The following EPS15 variants were observed in gnomAD, a reference collection of about 807,000 sequenced individuals.
EPS15 encodes epidermal growth factor receptor substrate 15.
A neutral mutation model predicts 113.8 loss-of-function variants in EPS15; 72 were observed. The ratio of observed to expected loss-of-function variants is 0.63; its 90% CI spans 0.52 to 0.77. The LOEUF is 0.77. Ranked by LOEUF, EPS15 falls within the 30% of genes least tolerant of loss-of-function variation. EPS15 has a pLI of 0.00. For missense variants in EPS15, 1,048 were observed against 1,045.8 expected (o/e 1.00, Z -0.03); for synonymous variants, 344 against 363.4 (o/e 0.95, Z 0.61).
At chr1:51,504,853 G>A (rs1442493912) in intron 1 of EPS15, among the ~76,000 whole-genome samples, 4 of 152,190 alleles carry the variant, frequency 2.6e-5, no homozygotes, top group Admixed American at 2.6e-4. Flanking sequence ...GAGCGTGGTG[G>A]CTCACACCTA....
chr1:51,449,234 T>C (rs1275839), intron 8 of EPS15, among the ~76,000 whole-genome samples: 5,706 of 152,254 alleles, frequency 0.037, 160 homozygotes, highest in Non-Finnish European at 0.058. Flanking sequence ...GTGGTACATA[T>C]ACACCATGGA....
chr1:51,396,863 C>A (rs1233885017), intron 20 of EPS15, among the ~76,000 whole-genome samples: 1 of 151,794 alleles, frequency 6.6e-6, no homozygotes, highest in Non-Finnish European at 1.5e-5. Flanking sequence ...TACTAACTTA[C>A]TACCAACTTA....
chr1:51,381,323 T>G (rs1334586020), intron 21 of EPS15, among the ~76,000 whole-genome samples: 3 of 152,228 alleles, frequency 2.0e-5, no homozygotes. Flanking sequence ...CCAGGTGCGG[T>G]GGCTCATGCC....
intron 20 of EPS15, chr1:51,397,153 T>TA (rs1351412863): frequency 6.6e-6 from 1 of 152,258 alleles, no homozygotes; most frequent in African/African-American, 2.4e-5. Flanking sequence ...GTGCTGGAAT[T>TA]AGAGGTGGGA....
At chr1:51,509,551 GTC>G (rs1165558981) in intron 1 of EPS15, among the ~76,000 whole-genome samples, 2 of 152,136 alleles carry the variant, frequency 1.3e-5, no homozygotes, top group Non-Finnish European at 2.9e-5. Context: ...TTTATAGGGA[GTC>G]TCTGATACAT....
At chr1:51,400,821 C>T in intron 19 of EPS15, 97 bp downstream of exon 19, 1 of 620,166 alleles carries the variant, frequency 1.6e-6, no homozygotes, top group Non-Finnish European at 2.7e-6. Flanking sequence ...GCACATAGAG[C>T]ATCTTACTGG....
intron 1 of EPS15, among the ~76,000 whole-genome samples, chr1:51,482,575 T>C (rs924256164): frequency 6.6e-6 from 1 of 152,098 alleles, no homozygotes; most frequent in African/African-American, 2.4e-5. Context: ...CAAGTGATTC[T>C]CCTGCCTCAG....
rs1557758758 is a variant in EPS15 at position 51,355,378 on chromosome 1, C to T, written c.*1322G>A. 1 of 206,952 alleles carries T rather than the reference C, an allele frequency of 4.8e-6. No individual in the cohort carries two copies. The highest frequency in any genetic ancestry group is 9.8e-6 in the Non-Finnish European group (1 of 101,582). The allele number at this position is 206,952 out of a possible 1,614,324, so 12.8% of individuals were successfully genotyped here. On this transcript the variant is annotated 3_prime_UTR_variant, in exon 25 of 25. Transcript: ENST00000371733. ...TTTTTCTTTATCTTGGTATTTAATA[C>T]ATCATCTAAGTCAGTAACCGTGTTA...
chr1:51,440,079 T>C (rs1652465252), intron 12 of EPS15, among the ~76,000 whole-genome samples: 1 of 151,872 alleles, frequency 6.6e-6, no homozygotes, highest in Non-Finnish European at 1.5e-5. Flanking sequence ...CATTGTTTAT[T>C]TGGCAGTGAC....
At chr1:51,428,526 A>T (rs1651418049) in intron 12 of EPS15, among the ~76,000 whole-genome samples, 1 of 152,058 alleles carries the variant, frequency 6.6e-6, no homozygotes, top group East Asian at 1.9e-4. Context: ...GACATCAATA[A>T]CATAACAGGG....
intron 1 of EPS15, among the ~76,000 whole-genome samples, chr1:51,485,269 T>C (rs1327143230): frequency 6.6e-6 from 1 of 152,244 alleles, no homozygotes; most frequent in Non-Finnish European, 1.5e-5. Flanking sequence ...CAGAGCAATA[T>C]GTGTATTCTC....
intron 21 of EPS15, chr1:51,372,951 C>A: frequency 3.8e-6 from 2 of 529,124 alleles, no homozygotes; most frequent in South Asian, 2.1e-5. Context: ...TGCAGGAAGT[C>A]TTCAATCTGC....
chr1:51,402,764 A>C (rs1648701890), intron 17 of EPS15, among the ~76,000 whole-genome samples: 1 of 151,994 alleles, frequency 6.6e-6, no homozygotes, highest in Non-Finnish European at 1.5e-5. Flanking sequence ...CTCTACCAAA[A>C]ACACAAAAAT....
chr1:51,397,674 A>T (rs540416281), intron 20 of EPS15, among the ~76,000 whole-genome samples: 6 of 152,362 alleles, frequency 3.9e-5, no homozygotes, highest in African/African-American at 9.6e-5. Context: ...GTTTTTATTC[A>T]ATGGAAAACA....
At chr1:51,430,929 A>T (rs1651655905) in intron 12 of EPS15, among the ~76,000 whole-genome samples, 1 of 150,734 alleles carries the variant, frequency 6.6e-6, no homozygotes, top group Admixed American at 6.6e-5. Context: ...ACTGCTCTCC[A>T]GCCTGGGCAG....
intron 12 of EPS15, among the ~76,000 whole-genome samples, chr1:51,424,401 T>C (rs1651029728): frequency 6.6e-6 from 1 of 152,224 alleles, no homozygotes; most frequent in South Asian, 2.1e-4. Flanking sequence ...CTTGACCATA[T>C]TTCTTATATT....
intron 8 of EPS15, among the ~76,000 whole-genome samples, chr1:51,450,848 TA>T (rs757829688): frequency 1.1e-4 from 16 of 151,948 alleles, no homozygotes; most frequent in Admixed American, 3.3e-4. Flanking sequence ...ACTGGGAAGT[TA>T]AGGTAAAAAA....
chr1:51,508,977 T>C (rs1342931134), intron 1 of EPS15, among the ~76,000 whole-genome samples: 1 of 152,164 alleles, frequency 6.6e-6, no homozygotes. Context: ...AAAAACTATA[T>C]TACCACCAAA....
At chr1:51,394,513 C>A (rs1321692988) in intron 20 of EPS15, 66 bp from the exon 21 acceptor site, 4 of 870,604 alleles carry the variant, frequency 4.6e-6, no homozygotes, top group Non-Finnish European at 7.3e-6. Context: ...CTCATCACCA[C>A]TCCAAAGAAT....
Sources: gnomAD v4.1 joint callset for allele counts (sites outside exome capture counted in the v4.1 genomes callset) on GRCh38, gnomAD v4.1.1 for gene constraint, MANE v1.5 for transcripts, NCBI Gene and HGNC (gene_info 2026-07-23, HGNC 2026-07-21) for gene names.